TRDMT1: variants seen among roughly 807,000 people sequenced by gnomAD.
TRDMT1 encodes tRNA aspartic acid methyltransferase 1.
Under a neutral mutation model 51.2 loss-of-function variants are expected in TRDMT1, and 49 were observed. The observed-to-expected ratio is 0.96, with a 90% CI of 0.76 to 1.21. The LOEUF (loss-of-function observed/expected upper bound fraction) is 1.21. TRDMT1 is among the 50% of genes most tolerant of loss of function. TRDMT1 has a pLI of 0.00. For synonymous variants in TRDMT1, 187 were observed against 164.6 expected, an observed-to-expected ratio of 1.14 and a Z score of -1.04; for missense variants, 534 against 462.3, an observed-to-expected ratio of 1.16 and a Z score of -1.42.
Position 17,147,885 on chromosome 10 carries a change from TC to T in TRDMT1, c.*1154del. ...TCTATGTTGAATTTTGTGACGAACC[TC>T]CATAGCGTTTTCCAACAGCAGCTGA... On this transcript the variant is annotated 3_prime_UTR_variant, in exon 11 of 11. Coordinates refer to ENST00000377799, the MANE Select transcript of TRDMT1 (RefSeq NM_004412.7). 1.6e-6 allele frequency: 1 copy of T among 607,540 alleles called. No homozygotes were observed. Among genetic ancestry groups the T allele is most frequent in the Non-Finnish European group, 2.1e-6 (1 of 485,026 alleles). The allele number at this position is 607,540 out of a possible 1,614,324, so 37.6% of individuals were successfully genotyped here. A position where few individuals can be genotyped will look rare whatever the true frequency, so the allele number is the denominator to read the frequency against.
intron 8 of TRDMT1, among the ~76,000 whole-genome samples, chr10:17,156,284 G>T (rs1564564187): frequency 6.6e-6 from 1 of 151,776 alleles, no homozygotes; most frequent in Non-Finnish European, 1.5e-5. Flanking sequence ...GCCCAGGCTG[G>T]AGTGCAGGGA....
intron 8 of TRDMT1, among the ~76,000 whole-genome samples, chr10:17,155,950 A>G (rs1421995656): frequency 6.6e-6 from 1 of 152,202 alleles, no homozygotes; most frequent in Non-Finnish European, 1.5e-5. Context: ...TTATTTTATG[A>G]GAGTCCTAAA....
At chr10:17,181,550 T>C (rs192917469) in intron 1 of TRDMT1, among the ~76,000 whole-genome samples, 1 of 152,334 alleles carries the variant, frequency 6.6e-6, no homozygotes, top group Admixed American at 6.5e-5. Context: ...CTCCAGATTA[T>C]TACTGATTAC....
intron 2 of TRDMT1, 148 bp downstream of exon 2, chr10:17,174,403 G>C: frequency 1.8e-6 from 1 of 551,534 alleles, no homozygotes; most frequent in Middle Eastern, 2.9e-4. Context: ...CTTCTGATAG[G>C]ATATAAAATG....
rs529524172 is a variant in TRDMT1 at position 17,178,389 on chromosome 10, T to C, written c.65-3729A>G. ...GTTTGGTTCTTTTTAAAAGTTCTTG[T>C]ATTTTGCTGGGTGAGGTGGCTCACA... On this transcript the variant is annotated intron_variant, in intron 1 of 10. Coordinates refer to ENST00000377799, the MANE Select transcript of TRDMT1 (RefSeq NM_004412.7). Among the ~76,000 whole-genome samples, 8 of 152,304 alleles carry C rather than the reference T, an allele frequency of 5.3e-5. No individual in the cohort carries two copies. In the South Asian group the frequency reaches 1.2e-3, roughly 24 times the overall value.
At chr10:17,157,837 G>C in intron 7 of TRDMT1, 53 bp from the exon 8 acceptor site, 2 of 1,342,012 alleles carry the variant, frequency 1.5e-6, no homozygotes, top group Non-Finnish European at 2.0e-6. Flanking sequence ...AAAAATAAGA[G>C]AAATTAACAA....
Position 17,145,190 on chromosome 10 carries a change from T to C in TRDMT1, c.*3850A>G. The C allele has an allele frequency of 1.3e-6, 1 of 766,626 alleles. No individual in the cohort carries two copies. Among genetic ancestry groups the C allele is most frequent in the Non-Finnish European group, 1.6e-6 (1 of 630,274 alleles). 47.5% of individuals were successfully genotyped at this position (766,626 alleles called of 1,614,324 possible). ...TTAACCCAGGAGGGGGAGATTGCAG[T>C]GAGCCGAGATCACGCCACTGCACTC... On this transcript the variant is annotated 3_prime_UTR_variant, in exon 11 of 11. Coordinates refer to ENST00000377799, the MANE Select transcript of TRDMT1 (RefSeq NM_004412.7).
chr10:17,187,907 A>G (rs1307049817), intron 1 of TRDMT1, among the ~76,000 whole-genome samples: 1 of 152,146 alleles, frequency 6.6e-6, no homozygotes, highest in East Asian at 1.9e-4. Flanking sequence ...GGCCATTTTC[A>G]TTATATAAAT....
intron 1 of TRDMT1, among the ~76,000 whole-genome samples, chr10:17,197,905 G>A (rs947562447): frequency 9.2e-5 from 14 of 152,006 alleles, no homozygotes; most frequent in African/African-American, 3.4e-4. Context: ...ATGGTGGCAG[G>A]GACTTGTAAT....
chr10:17,144,808 C>CT lies in TRDMT1; in HGVS notation c.*4231dup, dbSNP rs939477182. 10 of 984,634 alleles carry CT rather than the reference C, an allele frequency of 1.0e-5. No homozygotes were observed. The African/African-American group carries it at 1.4e-4, about 14-fold the overall frequency. The allele number at this position is 984,634 out of a possible 1,614,324, so 61.0% of individuals were successfully genotyped here. On this transcript the variant is annotated 3_prime_UTR_variant, in exon 11 of 11. Transcript: ENST00000377799. ...CTAGAAACAACAACAACAAAAAATA[C>CT]TTTTTCTTTTTTTTTTTAAACTGAA...
At chr10:17,164,102 C>T (rs1018525652) in intron 3 of TRDMT1, among the ~76,000 whole-genome samples, 4 of 152,192 alleles carry the variant, frequency 2.6e-5, no homozygotes, top group Admixed American at 2.6e-4. Context: ...TGATGAACAT[C>T]GATGCAAAAA....
chr10:17,161,420 AAC>A, intron 5 of TRDMT1, 61 bp downstream of exon 5: 1 of 1,198,416 alleles, frequency 8.3e-7, no homozygotes, highest in East Asian at 3.1e-5. Flanking sequence ...TTTATTTCAC[AAC>A]AGTTCCTACT....
intron 1 of TRDMT1, among the ~76,000 whole-genome samples, chr10:17,197,106 T>G (rs550127114): frequency 6.6e-6 from 1 of 152,112 alleles, no homozygotes; most frequent in Non-Finnish European, 1.5e-5. Flanking sequence ...TCTGTGAGTT[T>G]CCAAATGTTT....
intron 1 of TRDMT1, among the ~76,000 whole-genome samples, chr10:17,184,606 T>A (rs1391444165): frequency 6.6e-6 from 1 of 152,064 alleles, no homozygotes; most frequent in Non-Finnish European, 1.5e-5. Flanking sequence ...TCAAATCCTA[T>A]CCTGCAAAAC....
At chr10:17,171,283 T>C (rs905573303) in intron 2 of TRDMT1, among the ~76,000 whole-genome samples, 4 of 152,012 alleles carry the variant, frequency 2.6e-5, no homozygotes, top group Admixed American at 2.0e-4. Flanking sequence ...TGTGGGGAGG[T>C]GTGGGAAACC....
Position 17,161,016 on chromosome 10 carries a change from G to A in TRDMT1, c.389+467C>T, listed in dbSNP as rs1327167598. Among the ~76,000 whole-genome samples the A allele has an allele frequency of 2.0e-5, 3 of 152,128 alleles. No homozygotes were observed. The East Asian group carries it at 5.8e-4, about 29-fold the overall frequency. ...TATCTTCAAGGTGGCCAGTCAGATG[G>A]GAGCACTGTTACAGACAGCAGCTGA... On this transcript the variant is annotated intron_variant, in intron 5 of 10. Transcript: ENST00000377799.
chr10:17,188,581 T>C (rs940080957), intron 1 of TRDMT1, among the ~76,000 whole-genome samples: 2 of 152,196 alleles, frequency 1.3e-5, no homozygotes, highest in African/African-American at 4.8e-5. Flanking sequence ...AGCATGTTCA[T>C]TTGGAAATAT....
Position 17,174,597 on chromosome 10 carries a change from T to C in TRDMT1, c.128A>G (p.Tyr43Cys). The change falls in exon 2 of 11, where the codon TAC becomes TGC. Residue 43 changes from tyrosine to cysteine, a missense_variant. Physicochemically the swap from Tyr to Cys is radical, Grantham distance 194. Coordinates refer to ENST00000377799, the MANE Select transcript of TRDMT1 (RefSeq NM_004412.7). The stretch of plus-strand genomic sequence containing the variant: ...CTGTGTGTGAGGAAAATTATACTTG[T>C]ATACTTCATTAGCGACAGTGTTGAC... ...IDVNTVANEV[Y>C]KYNFPHTQLL... 1 of 1,614,104 alleles carries C rather than the reference T, an allele frequency of 6.2e-7. No homozygotes were observed.
chr10:17,156,800 T>C (rs1300338451), intron 8 of TRDMT1, among the ~76,000 whole-genome samples: 1 of 152,232 alleles, frequency 6.6e-6, no homozygotes, highest in South Asian at 2.1e-4. Flanking sequence ...TAAAGGGGGA[T>C]AAAATATACA....
Sources: gnomAD v4.1 joint callset for allele counts (sites outside exome capture counted in the v4.1 genomes callset) on GRCh38, gnomAD v4.1.1 for gene constraint, MANE v1.5 for transcripts, NCBI Gene and HGNC (gene_info 2026-07-23, HGNC 2026-07-21) for gene names.